The following HSP90AA1 variants were observed in gnomAD, a reference collection of about 807,000 sequenced individuals.
HSP90AA1 encodes the protein heat shock protein HSP 90-alpha.
HSP90AA1 carries 18 observed loss-of-function variants against 73.3 expected under a neutral mutation model. The observed-to-expected ratio is 0.25, with a 90% CI of 0.17 to 0.36. The LOEUF (loss-of-function observed/expected upper bound fraction) is 0.36, where lower values mean the gene tolerates loss of function less well. HSP90AA1 is among the 10% of genes least tolerant of loss of function. HSP90AA1 has a pLI of 1.00. For synonymous variants in HSP90AA1, 477 were observed against 296.9 expected, an observed-to-expected ratio of 1.61 and a Z score of -6.24; for missense variants, 704 against 874.2, an observed-to-expected ratio of 0.81 and a Z score of 2.45.
In HSP90AA1 at chr14:102,101,333, C is replaced by T. The variant is rs35878928; in HGVS notation, c.366+542G>A. Among the ~76,000 whole-genome samples the T allele has an allele frequency of 4.5e-3, 680 of 152,320 alleles. 6 individuals are homozygous for T. The highest frequency in any genetic ancestry group is 0.015 in the African/African-American group (629 of 41,562). On this transcript the variant is annotated intron_variant, in intron 2 of 11. Coordinates refer to the HSP90AA1 transcript ENST00000334701. The stretch of plus-strand genomic sequence containing the variant: ...TGTTCCTCCAATGCTCAGCCCCTTC[C>T]GTGGTTCACTGTGACTTTTGGGTCA...
In HSP90AA1 at chr14:102,097,277, C is replaced by T. The variant is rs553879928; in HGVS notation, c.366+4598G>A. 7.3e-5 allele frequency among the ~76,000 whole-genome samples: 11 copies of T among 150,664 alleles called. No individual in the cohort carries two copies. In the East Asian group the frequency reaches 1.2e-3, roughly 16 times the overall value. On this transcript the variant is annotated intron_variant, in intron 2 of 11. Transcript: ENST00000334701. ...CTGGGATTACAGGTATGAGCCACCGCGCCCAGCAAAAGCAATTTTTTTTAA... is the reference window on the plus strand; with the variant it reads ...CTGGGATTACAGGTATGAGCCACCGTGCCCAGCAAAAGCAATTTTTTTTAA...
Position 102,086,395 on chromosome 14 carries a change from C to G in HSP90AA1, c.1-17G>C, listed in dbSNP as rs769533150. On this transcript the variant is annotated splice_polypyrimidine_tract_variant and intron_variant, in intron 1 of 10. Transcript: ENST00000216281. ...CTCAGGCATCTGGAACGACACCGCG[C>G]CGGTTTAAAACCTTGCAGGACGTCT... is the stretch of plus-strand genomic sequence containing the variant. 6.8e-6 allele frequency: 11 copies of G among 1,614,150 alleles called. No individual in the cohort carries two copies. In the Admixed American group the frequency reaches 1.5e-4, roughly 22 times the overall value.
chr14:102,100,930 C>T (rs886086540), intron 2 of HSP90AA1, among the ~76,000 whole-genome samples: 21 of 152,152 alleles, frequency 1.4e-4, no homozygotes, highest in African/African-American at 4.6e-4. Context: ...CATGGCGGGA[C>T]GGGCTCTAAT....
At chr14:102,087,342 G>C (rs2049270513), upstream of HSP90AA1, among the ~76,000 whole-genome samples, 1 of 151,018 alleles carries the variant, frequency 6.6e-6, no homozygotes. Context: ...GAAGGTCCGG[G>C]CGCCTTCTGG....
At chr14:102,089,240 C>T, upstream of HSP90AA1, among the ~76,000 whole-genome samples, 1 of 152,140 alleles carries the variant, frequency 6.6e-6, no homozygotes, top group South Asian at 2.1e-4. Flanking sequence ...ATTCTTTGTC[C>T]TTTGTTTTGG....
At chr14:102,089,081 C>T (rs192850236), upstream of HSP90AA1, among the ~76,000 whole-genome samples, 525 of 152,076 alleles carry the variant, frequency 3.5e-3, 3 homozygotes, top group Non-Finnish European at 6.3e-3. Context: ...CCACTACGCC[C>T]GGCTAATTTT....
rs140269994 is a variant in HSP90AA1 at position 102,113,086 on chromosome 14, C to T, written c.156-11001G>A. ...TTGCCCAGGCTGGAGTGCAGTAGTG[C>T]GATCTTGGTTCACTGCGACCTCTGC... On this transcript the variant is annotated intron_variant, in intron 1 of 11. Coordinates refer to the HSP90AA1 transcript ENST00000334701. Among the ~76,000 whole-genome samples the T allele has an allele frequency of 6.0e-5, 9 of 150,822 alleles. No homozygotes were observed. The East Asian group carries it at 9.9e-4, about 17-fold the overall frequency.
chr14:102,106,621 G>A (rs1259015548), intron 1 of HSP90AA1, among the ~76,000 whole-genome samples: 1 of 139,100 alleles, frequency 7.2e-6, no homozygotes, highest in Non-Finnish European at 1.5e-5. Flanking sequence ...TCAGCTCACT[G>A]CAACCTCCGC....
chr14:102,084,672 G>C lies in HSP90AA1; in HGVS notation c.981+9C>G, dbSNP rs777561058. 3.1e-6 allele frequency: 5 copies of C among 1,613,876 alleles called. No homozygotes were observed. The highest frequency in any genetic ancestry group is 1.1e-5 in the South Asian group (1 of 91,076). On this transcript the variant is annotated intron_variant, in intron 5 of 10. Coordinates refer to ENST00000216281, the MANE Select transcript of HSP90AA1 (RefSeq NM_005348.4). The stretch of plus-strand genomic sequence containing the variant: ...AAGGACAAGCTTGAAGCACCCATCA[G>C]TCACTCACCTTCACTGCCAAGTGAT...
intron 1 of HSP90AA1, among the ~76,000 whole-genome samples, chr14:102,133,608 CT>C (rs891459418): frequency 4.0e-5 from 6 of 151,820 alleles, no homozygotes; most frequent in African/African-American, 1.2e-4. Flanking sequence ...CTCAGCCCCC[CT>C]AGTAGCTGGG....
intron 1 of HSP90AA1, among the ~76,000 whole-genome samples, chr14:102,117,159 G>C (rs1329304106): frequency 6.6e-6 from 1 of 152,188 alleles, no homozygotes; most frequent in Non-Finnish European, 1.5e-5. Context: ...GCTAAGGGCA[G>C]CTCGGCACTG....
chr14:102,095,517 C>T (rs962903303), intron 2 of HSP90AA1, among the ~76,000 whole-genome samples: 4 of 152,194 alleles, frequency 2.6e-5, no homozygotes, highest in African/African-American at 9.7e-5. Flanking sequence ...AGAGCAGAGG[C>T]AGCTCCCTCA....
chr14:102,092,073 AT>A (rs1028963342), intron 2 of HSP90AA1, among the ~76,000 whole-genome samples: 256 of 142,058 alleles, frequency 1.8e-3, no homozygotes, highest in Middle Eastern at 3.6e-3. Flanking sequence ...TTTGTTACTG[AT>A]TTTTTTTTTT....
chr14:102,138,466 T>G (rs2050092394), intron 1 of HSP90AA1, among the ~76,000 whole-genome samples: 1 of 151,504 alleles, frequency 6.6e-6, no homozygotes, highest in South Asian at 2.1e-4. Context: ...TTTAAGTATT[T>G]TTCAGGCTCT....
intron 1 of HSP90AA1, among the ~76,000 whole-genome samples, chr14:102,135,969 G>A (rs1464947209): frequency 6.6e-6 from 1 of 152,232 alleles, no homozygotes. Flanking sequence ...ACAGTGCAGT[G>A]GGGGGCTGAA....
chr14:102,099,794 C>T (rs540652870), intron 2 of HSP90AA1, among the ~76,000 whole-genome samples: 12 of 152,300 alleles, frequency 7.9e-5, no homozygotes, highest in African/African-American at 2.2e-4. Context: ...TACTGCCCAG[C>T]GGCGGGTTTC....
intron 1 of HSP90AA1, among the ~76,000 whole-genome samples, chr14:102,133,485 CTTTT>C (rs34704566): frequency 7.4e-6 from 1 of 134,310 alleles, no homozygotes; most frequent in South Asian, 2.4e-4. Flanking sequence ...TAAACTAGTT[CTTTT>C]TTTTTTTTTT....
At chr14:102,130,283 T>C (rs905194181) in intron 1 of HSP90AA1, among the ~76,000 whole-genome samples, 6 of 152,196 alleles carry the variant, frequency 3.9e-5, no homozygotes, top group African/African-American at 1.4e-4. Flanking sequence ...GAATATGTTT[T>C]GATTTCTCTT....
intron 2 of HSP90AA1, among the ~76,000 whole-genome samples, chr14:102,092,980 C>T (rs922724172): frequency 3.3e-5 from 5 of 151,776 alleles, no homozygotes; most frequent in African/African-American, 7.3e-5. Flanking sequence ...CCTGGCCTCA[C>T]GTGATCCGCC....
Sources: gnomAD v4.1 joint callset for allele counts (sites outside exome capture counted in the v4.1 genomes callset) on GRCh38, gnomAD v4.1.1 for gene constraint, MANE v1.5 for transcripts, NCBI Gene and HGNC (gene_info 2026-07-23, HGNC 2026-07-21) for gene names.